Variants in ANAPC11 observed in about 807,000 individuals in gnomAD.
ANAPC11 encodes anaphase promoting complex subunit 11.
ANAPC11 carries 5 observed loss-of-function variants against 11.8 expected under a neutral mutation model. The ratio of observed to expected loss-of-function variants is 0.42; its 90% CI spans 0.22 to 0.89. The LOEUF is 0.89. Among genes scored for constraint, ANAPC11 ranks in the 40% least tolerant of loss-of-function variants. The pLI is 0.28. For synonymous variants in ANAPC11, 45 were observed against 41.0 expected (o/e 1.10, Z -0.38); for missense variants, 68 against 112.9 (o/e 0.60, Z 1.80).
At chr17:81,899,508 G>T in intron 3 of ANAPC11, 1 of 1,613,974 alleles carries the variant, frequency 6.2e-7, no homozygotes. Flanking sequence ...TGGCATCACA[G>T]ATCAAGTGTC....
At chr17:81,899,036 T>C in intron 3 of ANAPC11, 2 of 607,848 alleles carry the variant, frequency 3.3e-6, no homozygotes, top group South Asian at 4.0e-5. Flanking sequence ...GGAGTGGGCA[T>C]GCCGTGGGGC....
chr17:81,894,715 CTTTTTTTTTT>C (rs529200093), intron 3 of ANAPC11, 129 bp downstream of exon 3: 8 of 362,508 alleles, frequency 2.2e-5, no homozygotes, highest in African/African-American at 5.1e-5. Context: ...GTTTCATTTT[CTTTTTTTTTT>C]TTTTTTTTTG....
intron 3 of ANAPC11, among the ~76,000 whole-genome samples, chr17:81,895,347 C>G (rs2039703556): frequency 6.6e-6 from 1 of 152,086 alleles, no homozygotes; most frequent in African/African-American, 2.4e-5. Flanking sequence ...CACCGTGCCC[C>G]CCCCAACATT....
At chr17:81,894,045 G>T (rs142012194) in intron 2 of ANAPC11, among the ~76,000 whole-genome samples, 2 of 151,856 alleles carry the variant, frequency 1.3e-5, no homozygotes, top group Non-Finnish European at 1.5e-5. Context: ...TTGGGAGGCC[G>T]CAGTGGCAGA....
At chr17:81,894,715 CTT>C (rs529200093) in intron 3 of ANAPC11, 129 bp downstream of exon 3, 12,270 of 347,580 alleles carry the variant, frequency 0.035, no homozygotes, top group South Asian at 0.044. Flanking sequence ...GTTTCATTTT[CTT>C]TTTTTTTTTT....
intron 3 of ANAPC11, among the ~76,000 whole-genome samples, chr17:81,895,397 G>A (rs941856771): frequency 1.3e-5 from 2 of 152,168 alleles, no homozygotes; most frequent in African/African-American, 2.4e-5. Context: ...TAGAAAAAAA[G>A]CCAGGTGGTT....
intron 3 of ANAPC11, chr17:81,899,311 G>A: frequency 6.2e-7 from 1 of 1,613,446 alleles, no homozygotes. Flanking sequence ...GTCCTGGGAG[G>A]CAGGGCCCAT....
chr17:81,899,413 C>T, intron 3 of ANAPC11: 2 of 1,613,990 alleles, frequency 1.2e-6, no homozygotes, highest in Non-Finnish European at 8.5e-7. Context: ...TCCCCAGACC[C>T]CACCCCTCCT....
At chr17:81,892,319 A>G (rs974042308) in intron 1 of ANAPC11, among the ~76,000 whole-genome samples, 4 of 151,328 alleles carry the variant, frequency 2.6e-5, no homozygotes, top group African/African-American at 9.7e-5. Flanking sequence ...AAAAAAAAAA[A>G]TGAGCTGGGC....
chr17:81,890,888 C>T (rs565224645), upstream of ANAPC11: 13 of 1,605,008 alleles, frequency 8.1e-6, no homozygotes, highest in Admixed American at 1.7e-5. Context: ...ACCCTCACGG[C>T]TACTCCGGAC....
At chr17:81,891,711 G>A (rs2039535720), upstream of ANAPC11, 1 of 826,582 alleles carries the variant, frequency 1.2e-6, no homozygotes, top group Non-Finnish European at 1.6e-6. Context: ...ACGGGGTGAG[G>A]CGGGGAGGCG....
chr17:81,894,357 C>T, intron 2 of ANAPC11, 110 bp from the exon 3 acceptor site: 1 of 498,360 alleles, frequency 2.0e-6, no homozygotes, highest in South Asian at 3.7e-5. Flanking sequence ...CTGCCTTGGC[C>T]CCCTGAGTAG....
At chr17:81,899,163 G>C in intron 3 of ANAPC11, 1 of 1,435,154 alleles carries the variant, frequency 7.0e-7, no homozygotes, top group Non-Finnish European at 9.5e-7. Context: ...CTGTTCCTCA[G>C]GGGTTTCCAG....
chr17:81,894,208 C>T (rs1202213879), intron 2 of ANAPC11: 1 of 247,672 alleles, frequency 4.0e-6, no homozygotes, highest in South Asian at 1.6e-4. Flanking sequence ...GATCATGCCA[C>T]TGCACTACAG....
intron 3 of ANAPC11, 52 bp downstream of exon 3, chr17:81,894,638 C>G (rs1017636795): frequency 8.0e-7 from 1 of 1,250,872 alleles, no homozygotes; most frequent in Non-Finnish European, 1.1e-6. Context: ...AGTGTCCCCT[C>G]TGTGCTGTCT....
At chr17:81,891,057 G>T, upstream of ANAPC11, 1 of 694,362 alleles carries the variant, frequency 1.4e-6, no homozygotes, top group Non-Finnish European at 2.3e-6. Flanking sequence ...CGCGCCCAGC[G>T]TCCCCTCCTC....
chr17:81,899,589 G>C, intron 3 of ANAPC11: 1 of 1,581,940 alleles, frequency 6.3e-7, no homozygotes, highest in East Asian at 2.2e-5. Flanking sequence ...GGGGACACAG[G>C]GTGGGCTAGG....
chr17:81,899,456 A>G lies in ANAPC11; in HGVS notation c.110-464A>G, dbSNP rs746749274. ...ATCAAGAGACCAGTTCACTACTCAG[A>G]TGCACGTCTCCTTGGTGCCTTGACC... is the stretch of plus-strand genomic sequence containing the variant. On this transcript the variant is annotated intron_variant, in intron 3 of 3. Coordinates refer to ENST00000344877, the MANE Select transcript of ANAPC11 (RefSeq NM_001002248.3). 39 of 1,613,794 alleles carry G rather than the reference A, an allele frequency of 2.4e-5. No individual in the cohort carries two copies. In the South Asian group the frequency reaches 3.5e-4, roughly 15 times the overall value.
intron 2 of ANAPC11, 124 bp from the exon 3 acceptor site, chr17:81,894,343 C>G (rs2039658498): frequency 2.2e-6 from 1 of 461,172 alleles, no homozygotes; most frequent in East Asian, 3.4e-5. Flanking sequence ...CCGGTATGAT[C>G]TTCCTGCCTT....
Sources: gnomAD v4.1 joint callset for allele counts (sites outside exome capture counted in the v4.1 genomes callset) on GRCh38, gnomAD v4.1.1 for gene constraint, MANE v1.5 for transcripts, NCBI Gene and HGNC (gene_info 2026-07-23, HGNC 2026-07-21) for gene names.